The following COL19A1 variants were observed in gnomAD, a reference collection of about 807,000 sequenced individuals.
COL19A1 encodes collagen alpha-1(XIX) chain.
A neutral mutation model predicts 190.2 loss-of-function variants in COL19A1; 159 were observed. The observed-to-expected ratio is 0.84, with a 90% confidence interval of 0.73 to 0.95. COL19A1 has a LOEUF of 0.95. Among genes scored for constraint, COL19A1 ranks in the 40% least tolerant of loss-of-function variants. The pLI, the probability that COL19A1 is intolerant of heterozygous loss-of-function variation, is 0.00. For missense variants in COL19A1, 1,418 were observed against 1,431.9 expected (o/e 0.99, Z 0.16); for synonymous variants, 509 against 458.9 (o/e 1.11, Z -1.39).
At chr6:69,902,946 A>G (rs1770286118) in intron 4 of COL19A1, among the ~76,000 whole-genome samples, 1 of 152,142 alleles carries the variant, frequency 6.6e-6, no homozygotes, top group African/African-American at 2.4e-5. Context: ...GCAATAACAG[A>G]TTACTGTTCA....
rs573778149 is a variant in COL19A1 at position 70,035,918 on chromosome 6, C to T, written c.1149C>T (p.Pro383=). The change falls in exon 14 of 51, where the codon CCC becomes CCT. Residue 383 remains proline (P), a synonymous_variant. Transcript: ENST00000620364. ...ATCTATTTTAGGGAGATACAGGACC[C>T]CCAGGACCACCAGCCTTACCTGTAA... ...GPKGEKGDTG[P]PGPPALPGSL... The T allele has an allele frequency of 5.0e-6, 8 of 1,613,342 alleles. 1 individual carries two copies. In the South Asian group the frequency reaches 5.5e-5, roughly 11 times the overall value.
intron 27 of COL19A1, among the ~76,000 whole-genome samples, chr6:70,149,375 G>T (rs1048749028): frequency 1.3e-5 from 2 of 152,164 alleles, no homozygotes; most frequent in African/African-American, 4.8e-5. Flanking sequence ...CCCTGAGCCA[G>T]TTACCCCTGT....
intron 14 of COL19A1, among the ~76,000 whole-genome samples, chr6:70,055,539 T>TG (rs1193996171): frequency 6.6e-6 from 1 of 152,052 alleles, no homozygotes; most frequent in African/African-American, 2.4e-5. Flanking sequence ...CCCAGCACCT[T>TG]GGGGGGCTGA....
At chr6:69,901,820 A>G (rs1332495254) in intron 4 of COL19A1, among the ~76,000 whole-genome samples, 2 of 152,266 alleles carry the variant, frequency 1.3e-5, no homozygotes, top group African/African-American at 4.8e-5. Flanking sequence ...GCCAGATGGC[A>G]AAAGGATTTT....
intron 4 of COL19A1, among the ~76,000 whole-genome samples, chr6:69,913,850 C>G (rs1009131748): frequency 6.6e-6 from 1 of 151,974 alleles, no homozygotes; most frequent in African/African-American, 2.4e-5. Context: ...TCAATTAGGT[C>G]TAGGACCTCC....
intron 15 of COL19A1, among the ~76,000 whole-genome samples, chr6:70,089,070 T>G (rs970214885): frequency 6.6e-6 from 1 of 152,144 alleles, no homozygotes; most frequent in African/African-American, 2.4e-5. Flanking sequence ...AGTGACTGGA[T>G]TTTTCTCTTT....
At chr6:69,997,119 TG>T (rs1460417390) in intron 11 of COL19A1, among the ~76,000 whole-genome samples, 1 of 151,736 alleles carries the variant, frequency 6.6e-6, no homozygotes, top group African/African-American at 2.4e-5. Context: ...AATGCATATG[TG>T]GGGGATATCA....
chr6:70,017,628 A>G (rs1018572226), intron 11 of COL19A1, among the ~76,000 whole-genome samples: 4 of 152,178 alleles, frequency 2.6e-5, no homozygotes, highest in South Asian at 2.1e-4. Flanking sequence ...AAGGGAAAAC[A>G]TAAGAAGCTG....
chr6:70,146,697 G>A lies in COL19A1; in HGVS notation c.1809G>A (p.Gly603=), dbSNP rs1166499028. 1 of 1,606,110 alleles carries A rather than the reference G, an allele frequency of 6.2e-7. No homozygotes were observed. Among genetic ancestry groups the A allele is most frequent in the South Asian group, 1.1e-5 (1 of 89,112 alleles). ...ATCCTGGAGCACCTGGTCCACGTGG[G>A]CCAAAGGTATACAAATATTATAGTT... The part of the protein sequence containing the change: ...DGNPGAPGPR[G]PKGERGLPGV... The change falls in exon 26 of 51, where the codon GGG becomes GGA. Residue 603 remains glycine (G), a synonymous_variant. Transcript: ENST00000620364.
At chr6:69,890,941 TG>T (rs1346030222) in intron 2 of COL19A1, 2 of 200,906 alleles carry the variant, frequency 1.0e-5, no homozygotes, top group South Asian at 8.4e-5. Context: ...TTCTTCCTGC[TG>T]ACAGGGGTTG....
At chr6:70,031,155 C>T (rs1253440441) in intron 12 of COL19A1, among the ~76,000 whole-genome samples, 1 of 152,108 alleles carries the variant, frequency 6.6e-6, no homozygotes, top group Non-Finnish European at 1.5e-5. Flanking sequence ...TACCTGTGTG[C>T]TCATGACACT....
intron 14 of COL19A1, among the ~76,000 whole-genome samples, chr6:70,057,302 A>T (rs1780561351): frequency 6.6e-6 from 1 of 152,088 alleles, no homozygotes; most frequent in African/African-American, 2.4e-5. Context: ...ACCATGACCT[A>T]CCAATTTTTT....
At chr6:70,197,620 T>A (rs1272315517) in intron 48 of COL19A1, among the ~76,000 whole-genome samples, 2 of 152,214 alleles carry the variant, frequency 1.3e-5, no homozygotes, top group Non-Finnish European at 1.5e-5. Flanking sequence ...AATTACCTAT[T>A]TGTTTTATCT....
At chr6:70,164,044 A>G (rs1474764255) in intron 36 of COL19A1, among the ~76,000 whole-genome samples, 2 of 152,152 alleles carry the variant, frequency 1.3e-5, no homozygotes, top group African/African-American at 2.4e-5. Context: ...AAAGCTCCAG[A>G]CAGCAGACTG....
intron 9 of COL19A1, among the ~76,000 whole-genome samples, chr6:69,951,924 C>G (rs1477971987): frequency 1.3e-5 from 2 of 151,876 alleles, no homozygotes; most frequent in African/African-American, 4.8e-5. Flanking sequence ...GCCATATTAC[C>G]TCATCTGGAC....
chr6:70,108,155 G>A (rs1784079578), intron 16 of COL19A1, among the ~76,000 whole-genome samples: 1 of 152,168 alleles, frequency 6.6e-6, no homozygotes, highest in African/African-American at 2.4e-5. Context: ...ATTAAAGGAA[G>A]TAGGTATTAG....
intron 11 of COL19A1, among the ~76,000 whole-genome samples, chr6:69,980,570 T>A (rs749384466): frequency 2.0e-5 from 3 of 152,096 alleles, no homozygotes; most frequent in Non-Finnish European, 2.9e-5. Context: ...GTTTCAGTGG[T>A]AAAGTCATAA....
intron 15 of COL19A1, among the ~76,000 whole-genome samples, chr6:70,080,189 T>A (rs1419030819): frequency 6.6e-6 from 1 of 151,768 alleles, no homozygotes; most frequent in Non-Finnish European, 1.5e-5. Flanking sequence ...AGTAAAACAT[T>A]TGCTGTTTAT....
intron 14 of COL19A1, among the ~76,000 whole-genome samples, chr6:70,058,521 C>T (rs1305719968): frequency 2.0e-5 from 3 of 152,012 alleles, no homozygotes; most frequent in Admixed American, 6.6e-5. Context: ...GTGGAAGAGA[C>T]GCTAGTGTTC....
Sources: allele counts gnomAD v4.1 joint callset (sites outside exome capture counted in the v4.1 genomes callset), GRCh38; gene constraint gnomAD v4.1.1; transcripts MANE v1.5; gene names NCBI Gene and HGNC (gene_info 2026-07-23, HGNC 2026-07-21).